KATNAL1: variants seen among roughly 807,000 people sequenced by gnomAD.
KATNAL1 encodes katanin catalytic subunit A1 like 1.
Under a neutral mutation model 55.2 loss-of-function variants are expected in KATNAL1, and 32 were observed. The observed-to-expected ratio is 0.58, with a 90% confidence interval of 0.44 to 0.78. KATNAL1 has a LOEUF of 0.78. Among genes scored for constraint, KATNAL1 ranks in the 30% least tolerant of loss-of-function variants. The pLI, the probability that KATNAL1 is intolerant of heterozygous loss-of-function variation, is 0.00. For missense variants in KATNAL1, 466 were observed against 600.9 expected, an observed-to-expected ratio of 0.78 and a Z score of 2.35; for synonymous variants, 193 against 193.6, an observed-to-expected ratio of 1.00 and a Z score of 0.02.
At chr13:30,298,249 G>GA (rs1372314273) in intron 1 of KATNAL1, among the ~76,000 whole-genome samples, 13 of 152,112 alleles carry the variant, frequency 8.5e-5, no homozygotes, top group Non-Finnish European at 1.6e-4. Context: ...GTTCTAGAAT[G>GA]CAAAATAAAT....
At chr13:30,248,274 G>C (rs987833171) in intron 4 of KATNAL1, among the ~76,000 whole-genome samples, 1 of 152,002 alleles carries the variant, frequency 6.6e-6, no homozygotes, top group Non-Finnish European at 1.5e-5. Context: ...AACAACGGTG[G>C]GTGAGTAAAA....
chr13:30,240,409 T>G (rs765609625), intron 6 of KATNAL1, 51 bp downstream of exon 6: 1 of 1,268,156 alleles, frequency 7.9e-7, no homozygotes, highest in East Asian at 2.3e-5. Flanking sequence ...TGCCTTTCAT[T>G]CCAGTGCCAA....
intron 3 of KATNAL1, among the ~76,000 whole-genome samples, chr13:30,263,128 A>G (rs981343561): frequency 2.6e-5 from 4 of 152,198 alleles, no homozygotes; most frequent in African/African-American, 9.7e-5. Context: ...CCACATGATT[A>G]TCTCAATAGA....
chr13:30,277,398 A>G (rs942462933), intron 3 of KATNAL1, among the ~76,000 whole-genome samples: 1 of 152,190 alleles, frequency 6.6e-6, no homozygotes, highest in African/African-American at 2.4e-5. Flanking sequence ...TAGCTTGCTC[A>G]AGGTCACAAA....
chr13:30,286,376 C>A (rs1188352595), intron 1 of KATNAL1, among the ~76,000 whole-genome samples: 7 of 152,374 alleles, frequency 4.6e-5, no homozygotes, highest in Non-Finnish European at 1.0e-4. Context: ...CACCCAGCCA[C>A]TCCAGCCATG....
chr13:30,262,323 G>A (rs1288972711), intron 3 of KATNAL1, among the ~76,000 whole-genome samples: 1 of 151,916 alleles, frequency 6.6e-6, no homozygotes, highest in Non-Finnish European at 1.5e-5. Flanking sequence ...AAAAGCAAGA[G>A]CAAACACATT....
intron 1 of KATNAL1, among the ~76,000 whole-genome samples, chr13:30,298,477 C>T (rs1882665404): frequency 6.6e-6 from 1 of 152,132 alleles, no homozygotes; most frequent in South Asian, 2.1e-4. Flanking sequence ...CCAGGCTTTA[C>T]TTTATTTCCA....
At chr13:30,238,057 C>T (rs1477569070) in intron 6 of KATNAL1, among the ~76,000 whole-genome samples, 1 of 152,130 alleles carries the variant, frequency 6.6e-6, no homozygotes. Context: ...CTTTGCCTCC[C>T]GTCTTTCTGT....
chr13:30,213,197 C>T (rs903335939), intron 9 of KATNAL1, among the ~76,000 whole-genome samples: 2 of 152,152 alleles, frequency 1.3e-5, no homozygotes, highest in African/African-American at 4.8e-5. Context: ...TTCCTCGACA[C>T]ATACACCCTC....
intron 1 of KATNAL1, among the ~76,000 whole-genome samples, chr13:30,287,089 C>T (rs1881838297): frequency 6.6e-6 from 1 of 152,182 alleles, no homozygotes; most frequent in Admixed American, 6.5e-5. Context: ...TGCCTTGTCT[C>T]AGATGAGACT....
At chr13:30,289,197 C>G (rs9551886) in intron 1 of KATNAL1, among the ~76,000 whole-genome samples, 1 of 152,200 alleles carries the variant, frequency 6.6e-6, no homozygotes, top group East Asian at 1.9e-4. Context: ...AAATAAACAA[C>G]TGAGCAGTAT....
intron 4 of KATNAL1, among the ~76,000 whole-genome samples, chr13:30,249,576 A>T (rs990955487): frequency 6.6e-6 from 1 of 152,242 alleles, no homozygotes; most frequent in Non-Finnish European, 1.5e-5. Flanking sequence ...ACAAATATAT[A>T]CAACACCATG....
In KATNAL1 at chr13:30,280,215, C is replaced by G. The variant is rs776225321; in HGVS notation, c.171G>C (p.Gln57His). ...AIKGKWQQVR[Q>H]ELLEEYEQVK... Reference sequence around the variant, plus strand: ...CTTGTTCATATTCCTCCAATAATTCCTGCCGAACCTTAAAAAAAAAAAATA... The same window carrying G: ...CTTGTTCATATTCCTCCAATAATTCGTGCCGAACCTTAAAAAAAAAAAATA... Residue 57 changes from glutamine (Q) to histidine (H), a missense_variant, in exon 3 of 11, where the codon CAG becomes CAC. Around this residue, in one of 3 missense-constraint regions of KATNAL1, gnomAD observed 248 missense variants for 275.5 expected, o/e 0.90. Transcript: ENST00000380615. The G allele has an allele frequency of 6.4e-7, 1 of 1,574,304 alleles. No individual in the cohort carries two copies. Among genetic ancestry groups the G allele is most frequent in the South Asian group, 1.2e-5 (1 of 82,892 alleles).
intron 3 of KATNAL1, among the ~76,000 whole-genome samples, chr13:30,271,760 G>C (rs1439320724): frequency 6.6e-6 from 1 of 151,920 alleles, no homozygotes; most frequent in East Asian, 1.9e-4. Context: ...ATGAGCTCCT[G>C]GAGGGTAAGG....
chr13:30,254,509 G>A (rs987879269), intron 4 of KATNAL1, among the ~76,000 whole-genome samples: 2 of 152,002 alleles, frequency 1.3e-5, no homozygotes, highest in Non-Finnish European at 2.9e-5. Flanking sequence ...ATTCTATCTT[G>A]GTCTATGTAT....
At chr13:30,213,244 A>C (rs1873871408) in intron 9 of KATNAL1, among the ~76,000 whole-genome samples, 1 of 152,224 alleles carries the variant, frequency 6.6e-6, no homozygotes, top group African/African-American at 2.4e-5. Context: ...ATCTCTGAAT[A>C]GACCAATAAC....
intron 9 of KATNAL1, among the ~76,000 whole-genome samples, chr13:30,223,803 A>G (rs1163785917): frequency 6.6e-6 from 1 of 152,218 alleles, no homozygotes; most frequent in Admixed American, 6.5e-5. Context: ...CTGACAGAAA[A>G]ACTAGACTAA....
At chr13:30,295,690 G>A (rs1336150509) in intron 1 of KATNAL1, among the ~76,000 whole-genome samples, 1 of 152,192 alleles carries the variant, frequency 6.6e-6, no homozygotes, top group Non-Finnish European at 1.5e-5. Context: ...TACTCCTGGT[G>A]AAGATGCTTG....
At position 30,266,254 on chromosome 13, in the gene KATNAL1, G is replaced by A. The variant is rs186536099; in HGVS notation, c.324-10639C>T. ...TGTCCTCAAGTGATCCGCCCACCTCGGCCTCCCAAAGTGCTGGGATTACAG... is the reference window on the plus strand; with the variant it reads ...TGTCCTCAAGTGATCCGCCCACCTCAGCCTCCCAAAGTGCTGGGATTACAG... On this transcript the variant is annotated intron_variant, in intron 3 of 10. Coordinates refer to ENST00000380615, the MANE Select transcript of KATNAL1 (RefSeq NM_032116.5). 4.3e-3 allele frequency among the ~76,000 whole-genome samples: 660 copies of A among 151,942 alleles called. 3 individuals are homozygous for A. Among genetic ancestry groups the A allele is most frequent in the African/African-American group, 0.015 (630 of 41,456 alleles).
Sources: gnomAD v4.1 joint callset for allele counts (sites outside exome capture counted in the v4.1 genomes callset) on GRCh38, gnomAD v4.1.1 for gene constraint, gnomAD v4.1.1 regional missense constraint, MANE v1.5 for transcripts, NCBI Gene and HGNC (gene_info 2026-07-23, HGNC 2026-07-21) for gene names.